FARS2: variants seen among roughly 807,000 people sequenced by gnomAD.
FARS2 encodes phenylalanyl-tRNA synthetase 2, mitochondrial.
FARS2 carries 40 observed loss-of-function variants against 46.4 expected under a neutral mutation model. The ratio of observed to expected loss-of-function variants is 0.86; its 90% CI spans 0.67 to 1.12. FARS2 has a LOEUF of 1.12. Ranked by LOEUF, FARS2 falls within the 50% of genes most tolerant of loss-of-function variation. The pLI is 0.00. For synonymous variants in FARS2, 234 were observed against 214.9 expected, an observed-to-expected ratio of 1.09 and a Z score of -0.78; for missense variants, 513 against 567.9, an observed-to-expected ratio of 0.90 and a Z score of 0.98.
chr6:5,758,519 A>T (rs1463428645), intron 6 of FARS2, among the ~76,000 whole-genome samples: 1 of 152,176 alleles, frequency 6.6e-6, no homozygotes, highest in African/African-American at 2.4e-5. Context: ...AGGGACTCGC[A>T]CCAACTCACT....
At chr6:5,530,899 G>A (rs115096427) in intron 4 of FARS2, among the ~76,000 whole-genome samples, 13,877 of 146,758 alleles carry the variant, frequency 0.095, 781 homozygotes, top group Middle Eastern at 0.17. Flanking sequence ...TACAATCTAT[G>A]TATAACTATA....
intron 5 of FARS2, among the ~76,000 whole-genome samples, chr6:5,567,963 G>A (rs936121160): frequency 6.6e-6 from 1 of 152,172 alleles, no homozygotes; most frequent in South Asian, 2.1e-4. Context: ...CCTCTTCTGT[G>A]TACCTCAGAT....
chr6:5,402,406 A>G (rs1206037978), intron 2 of FARS2, among the ~76,000 whole-genome samples: 1 of 150,398 alleles, frequency 6.6e-6, no homozygotes, highest in Non-Finnish European at 1.5e-5. Context: ...GGTGGGTGGG[A>G]GAAAAGTTGG....
intron 6 of FARS2, among the ~76,000 whole-genome samples, chr6:5,627,749 AAATTC>A (rs1776105241): frequency 6.6e-6 from 1 of 152,242 alleles, no homozygotes; most frequent in African/African-American, 2.4e-5. Context: ...AAAGAGAAAG[AAATTC>A]CATCAACAAC....
chr6:5,251,218 G>A, the FARS2 span, among the ~76,000 whole-genome samples: 1 of 152,214 alleles, frequency 6.6e-6, no homozygotes, highest in Non-Finnish European at 1.5e-5. Flanking sequence ...ATATTAGGAA[G>A]AAATGGATTT....
intron 4 of FARS2, among the ~76,000 whole-genome samples, chr6:5,512,189 A>C (rs1033656003): frequency 6.6e-6 from 1 of 152,138 alleles, no homozygotes; most frequent in African/African-American, 2.4e-5. Flanking sequence ...AATTGCTCAC[A>C]TAATAGGAGG....
At chr6:5,527,333 A>C (rs760941570) in intron 4 of FARS2, among the ~76,000 whole-genome samples, 22 of 152,256 alleles carry the variant, frequency 1.4e-4, no homozygotes, top group Admixed American at 5.9e-4. Flanking sequence ...ATTTTGGCTC[A>C]GAGGATTTAT....
At chr6:5,535,795 TTTTA>T (rs1770155757) in intron 4 of FARS2, among the ~76,000 whole-genome samples, 1 of 152,014 alleles carries the variant, frequency 6.6e-6, no homozygotes, top group South Asian at 2.1e-4. Context: ...GTTATGTGGG[TTTTA>T]TTTCTTTTAT....
Position 5,329,469 on chromosome 6 carries a change from A to T in FARS2, c.-21-39081A>T, listed in dbSNP as rs200277510. ...TGACAACAAATGTATGAGTTTTTAA[A>T]TTTTTTTTATGTCAACCAATCATCC... On this transcript the variant is annotated intron_variant, in intron 1 of 6. Coordinates refer to ENST00000274680, the MANE Select transcript of FARS2 (RefSeq NM_006567.5). Among the ~76,000 whole-genome samples, 11 of 151,938 alleles carry T rather than the reference A, an allele frequency of 7.2e-5. No homozygotes were observed. The South Asian group carries it at 8.3e-4, about 11-fold the overall frequency.
chr6:5,514,920 A>AT (rs1768692358), intron 4 of FARS2, among the ~76,000 whole-genome samples: 1 of 150,850 alleles, frequency 6.6e-6, no homozygotes, highest in African/African-American at 2.4e-5. Context: ...GGTGCATGCC[A>AT]TGCCTGGCTA....
chr6:5,646,544 G>T (rs1295827670), intron 6 of FARS2, among the ~76,000 whole-genome samples: 1 of 152,124 alleles, frequency 6.6e-6, no homozygotes, highest in Non-Finnish European at 1.5e-5. Context: ...GCCTAGTAGG[G>T]TGTGGATTAT....
chr6:5,552,577 G>A (rs1254262631), intron 5 of FARS2, among the ~76,000 whole-genome samples: 1 of 152,150 alleles, frequency 6.6e-6, no homozygotes, highest in East Asian at 1.9e-4. Flanking sequence ...TCTGATTGAT[G>A]GGACCCTGAG....
At chr6:5,609,453 C>T (rs1775047494) in intron 5 of FARS2, 2 of 1,216,296 alleles carry the variant, frequency 1.6e-6, no homozygotes, top group East Asian at 4.6e-5. Flanking sequence ...ATTACCAAAT[C>T]CATTATAGCC....
At chr6:5,434,111 T>A (rs1229754098) in intron 4 of FARS2, among the ~76,000 whole-genome samples, 1 of 152,108 alleles carries the variant, frequency 6.6e-6, no homozygotes, top group Non-Finnish European at 1.5e-5. Flanking sequence ...AATGAATTAA[T>A]TAATTAATTA....
intron 5 of FARS2, among the ~76,000 whole-genome samples, chr6:5,612,144 C>T (rs1775223489): frequency 1.3e-5 from 2 of 152,190 alleles, no homozygotes; most frequent in Non-Finnish European, 2.9e-5. Context: ...TAAACTGATG[C>T]ATTTGTTTGA....
At chr6:5,694,590 A>G (rs1757976572) in intron 6 of FARS2, among the ~76,000 whole-genome samples, 2 of 152,140 alleles carry the variant, frequency 1.3e-5, no homozygotes, top group Non-Finnish European at 2.9e-5. Flanking sequence ...TAAGAGACCG[A>G]GTGTGAATAT....
intron 6 of FARS2, among the ~76,000 whole-genome samples, chr6:5,662,268 A>G (rs1777885318): frequency 6.6e-6 from 1 of 152,208 alleles, no homozygotes; most frequent in Non-Finnish European, 1.5e-5. Flanking sequence ...CTTGCAGTGC[A>G]TTGCAGACAA....
In FARS2 at chr6:5,267,170, A is replaced by AAAC. The variant is rs1297459858; in HGVS notation, c.-22+5511_-22+5512insACA. ...GAGGTTTTTTTTCTTAAAAAAAAAA[A>AAAC]ACTCATTAATTCTTTTCATTGTAAA... is the stretch of plus-strand genomic sequence containing the variant. On this transcript the variant is annotated intron_variant, in intron 1 of 6. Coordinates refer to ENST00000274680, the MANE Select transcript of FARS2 (RefSeq NM_006567.5). 4.0e-5 allele frequency among the ~76,000 whole-genome samples: 6 copies of AAAC among 151,342 alleles called. No individual in the cohort carries two copies. In the South Asian group the frequency reaches 8.4e-4, roughly 21 times the overall value.
intron 1 of FARS2, among the ~76,000 whole-genome samples, chr6:5,353,898 A>G (rs990051129): frequency 2.0e-5 from 3 of 151,036 alleles, no homozygotes; most frequent in Admixed American, 1.3e-4. Flanking sequence ...ACCAAAGCCC[A>G]AGGCAGAAGG....
Sources: gnomAD v4.1 joint callset for allele counts (sites outside exome capture counted in the v4.1 genomes callset) on GRCh38, gnomAD v4.1.1 for gene constraint, MANE v1.5 for transcripts, NCBI Gene and HGNC (gene_info 2026-07-23, HGNC 2026-07-21) for gene names.